Variants in CCDC39 observed in about 807,000 individuals in gnomAD.
CCDC39 encodes the protein coiled-coil domain 39 molecular ruler complex subunit.
CCDC39 carries 113 observed loss-of-function variants against 121.0 expected under a neutral mutation model. The ratio of observed to expected loss-of-function variants is 0.93; its 90% CI spans 0.80 to 1.09. The LOEUF is 1.09. Among genes scored for constraint, CCDC39 ranks in the 50% least tolerant of loss-of-function variants. CCDC39 has a pLI of 0.00. For synonymous variants in CCDC39, 349 were observed against 352.2 expected (o/e 0.99, Z 0.10); for missense variants, 1,063 against 1,074.7 (o/e 0.99, Z 0.15).
At chr3:180,667,573 G>A (rs914677873) in intron 1 of CCDC39, among the ~76,000 whole-genome samples, 4 of 152,118 alleles carry the variant, frequency 2.6e-5, no homozygotes, top group Non-Finnish European at 4.4e-5. Context: ...GCCACAAACC[G>A]TGCCTCTCTA....
chr3:180,659,637 A>T (rs1711690902), intron 5 of CCDC39, 40 bp downstream of exon 5: 1 of 1,604,798 alleles, frequency 6.2e-7, no homozygotes, highest in Non-Finnish European at 8.5e-7. Flanking sequence ...TGCAAACATC[A>T]CCTTGAAAAT....
At chr3:180,640,263 T>C (rs937358401) in intron 13 of CCDC39, among the ~76,000 whole-genome samples, 1 of 152,054 alleles carries the variant, frequency 6.6e-6, no homozygotes, top group African/African-American at 2.4e-5. Flanking sequence ...TCTATGACAA[T>C]TGAAAGACAG....
chr3:180,635,425 C>T (rs144176924), intron 13 of CCDC39, among the ~76,000 whole-genome samples: 3 of 152,300 alleles, frequency 2.0e-5, no homozygotes, highest in Non-Finnish European at 2.9e-5. Flanking sequence ...TCCAAAGTCT[C>T]ATCTGAGACA....
chr3:180,619,793 A>T lies in CCDC39; in HGVS notation c.2158+18T>A. 1 of 1,487,710 alleles carries T rather than the reference A, an allele frequency of 6.7e-7. No homozygotes were observed. Among genetic ancestry groups the T allele is most frequent in the Middle Eastern group, 1.8e-4 (1 of 5,596 alleles). 92.2% of individuals were successfully genotyped at this position (1,487,710 alleles called of 1,614,324 possible). A position where few individuals can be genotyped will look rare whatever the true frequency, so the allele number is the denominator to read the frequency against. On this transcript the variant is annotated intron_variant, in intron 15 of 19. Transcript: ENST00000476379. ...CGTCACTGTATATATGTATAAAAAA[A>T]AGTTAACTCCTACATACTAGATGGA...
At chr3:180,642,486 C>T (rs918467369) in intron 12 of CCDC39, among the ~76,000 whole-genome samples, 2 of 151,666 alleles carry the variant, frequency 1.3e-5, no homozygotes, top group African/African-American at 4.8e-5. Context: ...TTACGCTATC[C>T]AAAAAACATA....
Position 180,651,516 on chromosome 3 carries a change from T to A in CCDC39, c.1052A>T (p.Asn351Ile), listed in dbSNP as rs746477928. The A allele has an allele frequency of 1.3e-6, 2 of 1,526,388 alleles. No homozygotes were observed. Among genetic ancestry groups the A allele is most frequent in the South Asian group, 1.3e-5 (1 of 77,364 alleles). 94.6% of individuals were successfully genotyped at this position (1,526,388 alleles called of 1,614,324 possible). A position where few individuals can be genotyped will look rare whatever the true frequency, so the allele number is the denominator to read the frequency against. ...TTTTGTTTGTATTATCTCATTATGATTTTTAGTTTTTTGTAACCTGAAGAG... is the reference window on the plus strand; with the variant it reads ...TTTTGTTTGTATTATCTCATTATGAATTTTAGTTTTTTGTAACCTGAAGAG... Reference protein sequence around the residue: ...EETARLQKTKNHNEIIQTKLK... With the variant: ...EETARLQKTKIHNEIIQTKLK... The change falls in exon 9 of 20, where the codon AAT becomes ATT. Residue 351 changes from asparagine (N) to isoleucine (I), a missense_variant. Transcript: ENST00000476379.
intron 1 of CCDC39, among the ~76,000 whole-genome samples, chr3:180,667,002 C>T (rs1229010341): frequency 6.6e-6 from 1 of 151,874 alleles, no homozygotes; most frequent in Non-Finnish European, 1.5e-5. Context: ...CGAAATAAAA[C>T]ATGCAATGGA....
chr3:180,621,983 G>C (rs1449792563), intron 14 of CCDC39, among the ~76,000 whole-genome samples: 1 of 151,976 alleles, frequency 6.6e-6, no homozygotes, highest in African/African-American at 2.4e-5. Context: ...TTTGATAGGG[G>C]TTGCATTGAA....
chr3:180,622,173 CT>C (rs772709634), intron 14 of CCDC39, among the ~76,000 whole-genome samples: 7 of 151,994 alleles, frequency 4.6e-5, no homozygotes, highest in Non-Finnish European at 8.8e-5. Context: ...GTTTTTGTAT[CT>C]GTTATAAATG....
At chr3:180,673,520 G>C (rs1303791019) in intron 1 of CCDC39, among the ~76,000 whole-genome samples, 1 of 152,106 alleles carries the variant, frequency 6.6e-6, no homozygotes, top group East Asian at 1.9e-4. Context: ...ATTAAGGTAT[G>C]CACACGTTTT....
chr3:180,621,663 ATTTT>A (rs1300198441), intron 14 of CCDC39, among the ~76,000 whole-genome samples: 4 of 151,760 alleles, frequency 2.6e-5, no homozygotes, highest in African/African-American at 9.7e-5. Context: ...TGGTGTACAG[ATTTT>A]TTTGTCACAC....
intron 14 of CCDC39, among the ~76,000 whole-genome samples, chr3:180,626,758 TCA>T (rs140302687): frequency 9.7e-4 from 147 of 152,134 alleles, no homozygotes; most frequent in African/African-American, 3.4e-3. Context: ...TGCAGTCTTC[TCA>T]CACCTCCGTC....
intron 14 of CCDC39, among the ~76,000 whole-genome samples, chr3:180,621,981 G>T (rs1206568715): frequency 6.6e-6 from 1 of 151,926 alleles, no homozygotes; most frequent in East Asian, 1.9e-4. Flanking sequence ...ATTTTGATAG[G>T]GGTTGCATTG....
chr3:180,676,898 C>A (rs1460791121), intron 1 of CCDC39, among the ~76,000 whole-genome samples: 1 of 151,340 alleles, frequency 6.6e-6, no homozygotes, highest in African/African-American at 2.4e-5. Context: ...AGGACAAAAA[C>A]CAAAACCAAA....
Position 180,675,944 on chromosome 3 carries a change from T to C in CCDC39, c.90+3347A>G, listed in dbSNP as rs538784203. 4.4e-4 allele frequency among the ~76,000 whole-genome samples: 67 copies of C among 152,318 alleles called. 2 individuals are homozygous for C. The South Asian group carries it at 0.013, about 30-fold the overall frequency. ...GCTGGGAAAACCTGCTAGCCATATG[T>C]AGAAAGCTGAAACTGGATTCCTTCC... On this transcript the variant is annotated intron_variant, in intron 1 of 19. Transcript: ENST00000476379.
chr3:180,635,584 A>G (rs1188720330), intron 13 of CCDC39, among the ~76,000 whole-genome samples: 2 of 152,298 alleles, frequency 1.3e-5, no homozygotes, highest in Non-Finnish European at 2.9e-5. Context: ...TGCAAGTCCA[A>G]AACCTGGCAG....
At position 180,648,568 on chromosome 3, in the gene CCDC39, G is replaced by A. The variant is rs1011448577; in HGVS notation, c.1168-209C>T. On this transcript the variant is annotated intron_variant, in intron 9 of 19. Transcript: ENST00000476379. ...GTAGACTAGGGTAGCTTTTACGCCC[G>A]TGTCATACACCTTGACCTGTCGTCT... Among the ~76,000 whole-genome samples the A allele has an allele frequency of 7.2e-5, 11 of 152,022 alleles. No individual in the cohort carries two copies. In the South Asian group the frequency reaches 8.3e-4, roughly 11 times the overall value.
chr3:180,644,869 G>A (rs895739614), intron 11 of CCDC39, among the ~76,000 whole-genome samples: 4 of 152,094 alleles, frequency 2.6e-5, no homozygotes, highest in East Asian at 1.9e-4. Context: ...TACAGAGGGC[G>A]ACTGTGCTAG....
chr3:180,642,745 T>C (rs940771301), intron 12 of CCDC39, among the ~76,000 whole-genome samples: 1 of 151,988 alleles, frequency 6.6e-6, no homozygotes, highest in Non-Finnish European at 1.5e-5. Flanking sequence ...ATATTCTAGA[T>C]GAATGAAAAA....
Sources: gnomAD v4.1 joint callset for allele counts (sites outside exome capture counted in the v4.1 genomes callset) on GRCh38, gnomAD v4.1.1 for gene constraint, MANE v1.5 for transcripts, NCBI Gene and HGNC (gene_info 2026-07-23, HGNC 2026-07-21) for gene names.